LPAR1: variants seen among roughly 807,000 people sequenced by gnomAD.
LPAR1 encodes lysophosphatidic acid receptor 1.
LPAR1 carries 5 observed loss-of-function variants against 23.8 expected under a neutral mutation model. The observed-to-expected ratio is 0.21, with a 90% CI of 0.11 to 0.44. The LOEUF (loss-of-function observed/expected upper bound fraction) is 0.44, where lower values mean the gene tolerates loss of function less well. LPAR1 is among the 20% of genes least tolerant of loss of function. The probability of loss-of-function intolerance (pLI) is 0.99; values close to 1 mark genes in which losing one functional copy is unlikely to be tolerated. For missense variants in LPAR1, 311 were observed against 482.8 expected (o/e 0.64, Z 3.33); for synonymous variants, 160 against 164.7 (o/e 0.97, Z 0.22).
chr9:110,972,799 T>A (rs900497790), intron 3 of LPAR1, among the ~76,000 whole-genome samples: 3 of 151,810 alleles, frequency 2.0e-5, no homozygotes, highest in African/African-American at 7.3e-5. Context: ...ATACAAAAAT[T>A]AGCCAGGCGT....
intron 5 of LPAR1, among the ~76,000 whole-genome samples, chr9:110,937,568 C>A (rs1308364585): frequency 1.3e-5 from 2 of 152,140 alleles, no homozygotes; most frequent in African/African-American, 4.8e-5. Context: ...TTTACAAATA[C>A]TAATTTCTAA....
At chr9:110,996,079 C>T (rs1002023948) in intron 2 of LPAR1, among the ~76,000 whole-genome samples, 3 of 152,218 alleles carry the variant, frequency 2.0e-5, no homozygotes, top group Middle Eastern at 3.4e-3. Context: ...AGCTGTGAGG[C>T]CCCACTTGAA....
At chr9:110,905,944 A>G (rs1224437771) in intron 5 of LPAR1, among the ~76,000 whole-genome samples, 1 of 152,230 alleles carries the variant, frequency 6.6e-6, no homozygotes, top group Non-Finnish European at 1.5e-5. Context: ...CAGCAGTGCT[A>G]TAAGAACCAC....
Position 110,998,636 on chromosome 9 carries a change from T to A in LPAR1, c.-181-25078A>T, listed in dbSNP as rs541465193. Among the ~76,000 whole-genome samples the A allele has an allele frequency of 1.1e-4, 17 of 152,322 alleles. 1 individual carries two copies. Among genetic ancestry groups the A allele is most frequent in the Middle Eastern group, 3.4e-3 (1 of 294 alleles). On this transcript the variant is annotated intron_variant, in intron 2 of 5. Coordinates refer to ENST00000683809, the MANE Select transcript of LPAR1 (RefSeq NM_001351411.2). ...AGGGAGCTGCAATTGTACCTTCACATTATATGACTTGATCTGTAGCATAAA... is the reference window on the plus strand; with the variant it reads ...AGGGAGCTGCAATTGTACCTTCACAATATATGACTTGATCTGTAGCATAAA...
At chr9:111,022,573 C>T (rs981151325) in intron 2 of LPAR1, among the ~76,000 whole-genome samples, 6 of 152,162 alleles carry the variant, frequency 3.9e-5, no homozygotes, top group Admixed American at 6.5e-5. Context: ...GAAATACTCA[C>T]CCAACCATCT....
chr9:110,975,295 G>A (rs2096532026), intron 2 of LPAR1, among the ~76,000 whole-genome samples: 1 of 152,178 alleles, frequency 6.6e-6, no homozygotes. Flanking sequence ...AAACAAATAT[G>A]TCATATGACG....
At chr9:110,988,235 G>A (rs1300104117) in intron 2 of LPAR1, among the ~76,000 whole-genome samples, 2 of 151,920 alleles carry the variant, frequency 1.3e-5, no homozygotes, top group African/African-American at 2.4e-5. Flanking sequence ...ATGTTAAAAA[G>A]AAGTTCATCA....
In LPAR1 at chr9:110,972,089, A is replaced by C; in HGVS notation, c.29T>G (p.Val10Gly). The C allele has an allele frequency of 6.2e-7, 1 of 1,613,996 alleles. No homozygotes were observed. Among genetic ancestry groups the C allele is most frequent in the South Asian group, 1.1e-5 (1 of 91,072 alleles). ...AGCCCTTACCTGGGGCTGTGAAATT[A>C]CAGGGATGGAAGTAGAGATGGCAGC... The part of the protein sequence containing the change: MAAISTSIP[V>G]ISQPQFTAMN... The change falls in exon 4 of 6, where the codon GTA (valine) becomes GGA (glycine). Residue 10 changes from valine (V) to glycine (G), a missense_variant. Physicochemically the swap from Val to Gly is moderately radical, Grantham distance 109 (BLOSUM62 -3). Around this residue, in one of 2 missense-constraint regions of LPAR1, gnomAD observed 61 missense variants for 55.6 expected, o/e 1.10. Transcript: ENST00000683809.
chr9:110,996,190 G>C (rs146407157), intron 2 of LPAR1, among the ~76,000 whole-genome samples: 75 of 152,212 alleles, frequency 4.9e-4, no homozygotes, highest in African/African-American at 1.7e-3. Flanking sequence ...ATATCACACA[G>C]AAAACTTCTA....
chr9:110,979,052 A>G (rs1024772), intron 2 of LPAR1, among the ~76,000 whole-genome samples: 40,775 of 151,882 alleles, frequency 0.27, 5,884 homozygotes, highest in African/African-American at 0.37. Flanking sequence ...ATGATGATAC[A>G]TGGTATTCTT....
At chr9:110,928,359 A>ACTAT (rs1178450913) in intron 5 of LPAR1, among the ~76,000 whole-genome samples, 1 of 152,210 alleles carries the variant, frequency 6.6e-6, no homozygotes, top group African/African-American at 2.4e-5. Flanking sequence ...TATTAATGTT[A>ACTAT]CTATCTCACT....
chr9:111,008,699 C>A (rs2097267671), intron 2 of LPAR1, among the ~76,000 whole-genome samples: 1 of 152,096 alleles, frequency 6.6e-6, no homozygotes, highest in Admixed American at 6.6e-5. Context: ...AGGAAAGAGT[C>A]GCCCCTGAGA....
At chr9:111,022,961 G>A (rs952614790) in intron 2 of LPAR1, among the ~76,000 whole-genome samples, 2 of 150,156 alleles carry the variant, frequency 1.3e-5, no homozygotes, top group Non-Finnish European at 2.9e-5. Flanking sequence ...GCTGAGGCAG[G>A]AGAATGGCGT....
Position 110,941,547 on chromosome 9 carries a change from C to T in LPAR1, c.667G>A (p.Val223Ile), listed in dbSNP as rs2095108388. The T allele has an allele frequency of 6.2e-7, 1 of 1,614,102 alleles. No individual in the cohort carries two copies. Among genetic ancestry groups the T allele is most frequent in the Non-Finnish European group, 8.5e-7 (1 of 1,179,992 alleles). Reference sequence around the variant, plus strand: ...TAGCCAAAGATGTGAGCATAGAGAACCACCATTACCACAAAGGTCACCAAG... The same window carrying T: ...TAGCCAAAGATGTGAGCATAGAGAATCACCATTACCACAAAGGTCACCAAG... The part of the protein sequence containing the change: ...FNLVTFVVMV[V>I]LYAHIFGYVR... Residue 223 changes from valine (V) to isoleucine (I), a missense_variant, in exon 5 of 6, where the codon GTT becomes ATT. Transcript: ENST00000683809. The surrounding 1 kb of genome is among the most constrained non-coding windows in gnomAD (Gnocchi z 6.1).
chr9:110,900,711 T>C (rs1250137004), intron 5 of LPAR1, among the ~76,000 whole-genome samples: 4 of 152,224 alleles, frequency 2.6e-5, no homozygotes, highest in African/African-American at 4.8e-5. Flanking sequence ...GGAAATATGA[T>C]TCATTTCTGA....
At chr9:110,981,854 C>CCAA (rs2096673802) in intron 2 of LPAR1, among the ~76,000 whole-genome samples, 1 of 152,072 alleles carries the variant, frequency 6.6e-6, no homozygotes, top group African/African-American at 2.4e-5. Context: ...ATTTATGCAG[C>CCAA]CAACAAACTT....
intron 4 of LPAR1, among the ~76,000 whole-genome samples, chr9:110,960,956 T>C (rs974878226): frequency 3.3e-5 from 5 of 152,218 alleles, no homozygotes; most frequent in Admixed American, 2.6e-4. Flanking sequence ...GCCATTTTGC[T>C]GAAAGGCTAA....
At chr9:110,987,389 T>C (rs1249286196) in intron 2 of LPAR1, among the ~76,000 whole-genome samples, 2 of 150,806 alleles carry the variant, frequency 1.3e-5, no homozygotes, top group African/African-American at 2.4e-5. Flanking sequence ...GTTTATATAA[T>C]ATTTCAACTC....
At chr9:110,952,929 C>A (rs2095616150) in intron 4 of LPAR1, among the ~76,000 whole-genome samples, 1 of 152,200 alleles carries the variant, frequency 6.6e-6, no homozygotes, top group African/African-American at 2.4e-5. Flanking sequence ...CCACTGGCAC[C>A]TGAGCACACT....
Sources: allele counts gnomAD v4.1 joint callset (sites outside exome capture counted in the v4.1 genomes callset), GRCh38; gene constraint gnomAD v4.1.1; regional missense constraint gnomAD v4.1.1; non-coding constraint Gnocchi (gnomAD v3.1); transcripts MANE v1.5; gene names NCBI Gene and HGNC (gene_info 2026-07-23, HGNC 2026-07-21).